Variants in NBPF9 observed in about 807,000 individuals in gnomAD.
The protein encoded by NBPF9 is NBPF family member NBPF9.
NBPF9 carries 91 observed loss-of-function variants against 97.8 expected under a neutral mutation model. The ratio of observed to expected loss-of-function variants is 0.93; its 90% CI spans 0.79 to 1.11. The LOEUF is 1.11. NBPF9 is among the 50% of genes least tolerant of loss of function. The pLI is 0.00. For missense variants in NBPF9, 992 were observed against 939.5 expected, an observed-to-expected ratio of 1.06 and a Z score of -0.73; for synonymous variants, 334 against 359.5, an observed-to-expected ratio of 0.93 and a Z score of 0.80.
chr1:149,075,999 C>G, intron 11 of NBPF9, 135 bp from the exon 12 acceptor site: 1 of 808,756 alleles, frequency 1.2e-6, no homozygotes, highest in South Asian at 1.4e-5. Flanking sequence ...TCACTCTTGT[C>G]ATCTCCAGTC....
rs1423852244 is a variant in NBPF9 at position 149,080,756 on chromosome 1, C to A, written c.176-601G>T. Among the ~76,000 whole-genome samples, 16 of 88,968 alleles carry A rather than the reference C, an allele frequency of 1.8e-4. 1 individual carries two copies. Among genetic ancestry groups the A allele is most frequent in the South Asian group, 4.0e-4 (1 of 2,502 alleles). The allele number at this position is 88,968 out of a possible 152,430, so 58.4% of individuals were successfully genotyped here. On this transcript the variant is annotated intron_variant, in intron 7 of 29. Transcript: ENST00000584027. ...GAGAGGCAGCATTAAGATTTAGATTCGTTGTGTTAATTTAGAAACATCAGA... is the reference window on the plus strand; with the variant it reads ...GAGAGGCAGCATTAAGATTTAGATTAGTTGTGTTAATTTAGAAACATCAGA...
chr1:149,097,694 G>A (rs1422949758), intron 4 of NBPF9, among the ~76,000 whole-genome samples: 16 of 152,188 alleles, frequency 1.1e-4, no homozygotes, highest in Non-Finnish European at 2.2e-4. Flanking sequence ...TGCAGTGGTG[G>A]GTTCCATGGG....
chr1:149,097,254 C>A (rs1165234883), intron 4 of NBPF9, among the ~76,000 whole-genome samples: 1 of 152,152 alleles, frequency 6.6e-6, no homozygotes, highest in Non-Finnish European at 1.5e-5. Context: ...GGAACTTACA[C>A]CACCAGTATT....
intron 15 of NBPF9, 21 bp from the exon 16 acceptor site, chr1:149,071,160 G>C: frequency 7.0e-7 from 1 of 1,425,196 alleles, no homozygotes; most frequent in African/African-American, 1.4e-5. Flanking sequence ...AGGTGGGACA[G>C]AGATGACAGA....
At chr1:149,055,789 T>G (rs782383905) in exon 30 of NBPF9, 2 of 1,611,368 alleles carry the variant, frequency 1.2e-6, no homozygotes, top group Non-Finnish European at 1.7e-6. Flanking sequence ...ACTTCTGTAG[T>G]GCTGGAATGA....
intron 5 of NBPF9, among the ~76,000 whole-genome samples, chr1:149,084,383 C>T (rs1465657584): frequency 4.8e-5 from 7 of 144,776 alleles, no homozygotes; most frequent in Non-Finnish European, 9.0e-5. Context: ...ATATATAATA[C>T]GTGTATATAC....
intron 14 of NBPF9, among the ~76,000 whole-genome samples, chr1:149,071,992 C>A (rs1310301904): frequency 2.7e-5 from 4 of 147,640 alleles, no homozygotes; most frequent in African/African-American, 1.0e-4. Flanking sequence ...ATCTGATTCC[C>A]AGGCACAGGC....
intron 13 of NBPF9, among the ~76,000 whole-genome samples, chr1:149,073,383 G>T (rs1402060284): frequency 2.8e-5 from 4 of 141,220 alleles, no homozygotes; most frequent in African/African-American, 1.1e-4. Context: ...AGGCAACATT[G>T]ATTGAGTGAA....
rs138078088 is a variant in NBPF9 at position 149,072,566 on chromosome 1, C to T, written c.1306+152G>A. Among the ~76,000 whole-genome samples, 481 of 152,240 alleles carry T rather than the reference C, an allele frequency of 3.2e-3. 5 individuals carry two copies. The highest frequency in any genetic ancestry group is 0.011 in the African/African-American group (462 of 41,566). ...TCCAACCCCATGGGTTTCCCATCTCCGTTCTTACCCAAGAAGTCCTTGTCA... is the reference window on the plus strand; with the variant it reads ...TCCAACCCCATGGGTTTCCCATCTCTGTTCTTACCCAAGAAGTCCTTGTCA... On this transcript the variant is annotated intron_variant, in intron 14 of 29. Coordinates refer to ENST00000584027, the Ensembl canonical transcript of NBPF9.
At chr1:149,074,499 T>C (rs1488993075) in intron 12 of NBPF9, among the ~76,000 whole-genome samples, 19 of 151,490 alleles carry the variant, frequency 1.3e-4, no homozygotes, top group Non-Finnish European at 2.8e-4. Flanking sequence ...GTTTACTCTG[T>C]GCCAATAAAT....
At chr1:149,076,858 C>G (rs1289785624) in intron 11 of NBPF9, among the ~76,000 whole-genome samples, 1 of 151,618 alleles carries the variant, frequency 6.6e-6, no homozygotes, top group Non-Finnish European at 1.5e-5. Flanking sequence ...GAGAGTCTAG[C>G]CTGACAGAAG....
chr1:149,086,198 G>A (rs12048018), intron 5 of NBPF9, among the ~76,000 whole-genome samples: 1 of 148,834 alleles, frequency 6.7e-6, no homozygotes, highest in African/African-American at 2.4e-5. Flanking sequence ...ATCCATACGT[G>A]GCAGGCCAGG....
downstream of NBPF9, among the ~76,000 whole-genome samples, chr1:149,052,267 G>C (rs2077956807): frequency 1.3e-5 from 2 of 152,112 alleles, no homozygotes; most frequent in African/African-American, 2.4e-5. Flanking sequence ...AAAATTAAAA[G>C]TTTTTGCTCA....
At chr1:149,099,878 A>T (rs1211827732) in intron 3 of NBPF9, among the ~76,000 whole-genome samples, 2 of 150,716 alleles carry the variant, frequency 1.3e-5, no homozygotes, top group African/African-American at 4.9e-5. Context: ...GCTACTAAGG[A>T]AGCTGAGGTG....
At chr1:149,064,909 A>G in intron 18 of NBPF9, 1 of 530,214 alleles carries the variant, frequency 1.9e-6, no homozygotes, top group Non-Finnish European at 3.3e-6. Context: ...CTCTTGAGTC[A>G]AAATGTAACT....
At chr1:149,071,711 C>G in intron 14 of NBPF9, 35 bp from the exon 15 acceptor site, 1 of 1,124,982 alleles carries the variant, frequency 8.9e-7, no homozygotes, top group Non-Finnish European at 1.3e-6. Context: ...AGATATTTCC[C>G]ACTTCACAGT....
chr1:149,088,159 T>C (rs1438056407), intron 5 of NBPF9, among the ~76,000 whole-genome samples: 54 of 151,534 alleles, frequency 3.6e-4, no homozygotes, highest in African/African-American at 1.2e-3. Flanking sequence ...GCACAACATG[T>C]ATTTAGATGT....
intron 21 of NBPF9, among the ~76,000 whole-genome samples, 198 bp from the exon 22 acceptor site, chr1:149,062,463 G>C (rs1355270997): frequency 6.9e-6 from 1 of 144,556 alleles, no homozygotes; most frequent in Non-Finnish European, 1.5e-5. Context: ...GACAGGGAGA[G>C]GGAGAGAGAG....
At chr1:149,089,657 C>T (rs1163399012) in intron 5 of NBPF9, among the ~76,000 whole-genome samples, 5 of 152,310 alleles carry the variant, frequency 3.3e-5, no homozygotes, top group African/African-American at 1.2e-4. Context: ...CTAATATCCC[C>T]AAGTCTGTGC....
Sources: gnomAD v4.1 joint callset for allele counts (sites outside exome capture counted in the v4.1 genomes callset) on GRCh38, gnomAD v4.1.1 for gene constraint, MANE v1.5 for transcripts, NCBI Gene and HGNC (gene_info 2026-07-23, HGNC 2026-07-21) for gene names.